Variants in OC90 observed in about 807,000 individuals in gnomAD.
The protein encoded by OC90 is otoconin 90.
Under a neutral mutation model 47.3 loss-of-function variants are expected in OC90, and 46 were observed. The observed-to-expected ratio is 0.97, with a 90% CI of 0.77 to 1.24. OC90 has a LOEUF of 1.24. Ranked by LOEUF, OC90 falls within the 50% of genes most tolerant of loss-of-function variation. The pLI, the probability that OC90 is intolerant of heterozygous loss-of-function variation, is 0.00. For synonymous variants in OC90, 271 were observed against 219.5 expected (o/e 1.23, Z -2.07); for missense variants, 688 against 583.9 (o/e 1.18, Z -1.84).
At chr8:132,048,622 T>C (rs1823169105) in intron 2 of OC90, among the ~76,000 whole-genome samples, 1 of 151,600 alleles carries the variant, frequency 6.6e-6, no homozygotes, top group Admixed American at 6.6e-5. Context: ...GCTGTTTTTC[T>C]ATCAGCGTCA....
intron 1 of OC90, among the ~76,000 whole-genome samples, chr8:132,058,742 G>A (rs1042025624): frequency 6.6e-6 from 1 of 152,186 alleles, no homozygotes; most frequent in African/African-American, 2.4e-5. Flanking sequence ...AGTGAGGACT[G>A]CCCATAATTA....
intron 7 of OC90, 63 bp downstream of exon 7, chr8:132,038,932 A>T: frequency 6.2e-7 from 1 of 1,612,622 alleles, no homozygotes; most frequent in Non-Finnish European, 8.5e-7. Context: ...GCAATAATTG[A>T]TCCCAAACCA....
chr8:132,049,892 C>T (rs748925879), intron 2 of OC90: 5 of 502,234 alleles, frequency 1.0e-5, no homozygotes, highest in Admixed American at 3.9e-5. Context: ...AAGACGTGTG[C>T]CAATTCCATT....
chr8:132,037,883 C>A (rs1272000514), intron 8 of OC90, among the ~76,000 whole-genome samples: 2 of 152,212 alleles, frequency 1.3e-5, no homozygotes, highest in Non-Finnish European at 2.9e-5. Flanking sequence ...TGCACATAAG[C>A]ACACACCCAT....
intron 5 of OC90, 30 bp downstream of exon 5, chr8:132,041,495 T>C (rs1823051923): frequency 1.3e-6 from 2 of 1,582,532 alleles, no homozygotes; most frequent in Non-Finnish European, 1.7e-6. Context: ...TCACTTTTTT[T>C]GGTCTTGCTC....
chr8:132,036,538 G>A (rs966022259), intron 9 of OC90: 1 of 716,118 alleles, frequency 1.4e-6, no homozygotes, highest in Admixed American at 1.9e-5. Context: ...TCCGATCAGG[G>A]CATATGGCTG....
intron 2 of OC90, among the ~76,000 whole-genome samples, chr8:132,053,677 G>C (rs902125272): frequency 1.3e-5 from 2 of 152,192 alleles, no homozygotes; most frequent in Non-Finnish European, 2.9e-5. Context: ...AGAGGACAAG[G>C]GGGAAATGGG....
intron 13 of OC90, among the ~76,000 whole-genome samples, chr8:132,028,789 AAAG>A (rs891112772): frequency 2.7e-5 from 3 of 109,950 alleles, no homozygotes; most frequent in African/African-American, 7.1e-5. Flanking sequence ...AGAGAGGAAG[AAAG>A]AAGAAGGAAA....
chr8:132,049,801 A>AT (rs1563734318), intron 2 of OC90: 3 of 517,038 alleles, frequency 5.8e-6, no homozygotes, highest in South Asian at 4.2e-5. Context: ...TTAATGAACA[A>AT]TTACCTGTTG....
intron 9 of OC90, chr8:132,036,264 A>C (rs986343407): frequency 2.1e-5 from 15 of 723,982 alleles, no homozygotes; most frequent in Non-Finnish European, 3.6e-5. Context: ...TATTTATTTC[A>C]GGTTCCATTA....
chr8:132,055,080 G>A lies in OC90; in HGVS notation c.-47-7C>T. 2.8e-6 allele frequency: 4 copies of A among 1,423,844 alleles called. No individual in the cohort carries two copies. The highest frequency in any genetic ancestry group is 2.5e-5 in the East Asian group (1 of 40,254). The allele number at this position is 1,423,844 out of a possible 1,614,324, so 88.2% of individuals were successfully genotyped here. ...CAGCAACTGGAACGGACTCCTGGGA[G>A]AGAAGCCAGCAGAATAGGATGGAAG... On this transcript the variant is annotated splice_region_variant and splice_polypyrimidine_tract_variant and intron_variant, in intron 1 of 13. Coordinates refer to ENST00000254627, the MANE Select transcript of OC90 (RefSeq NM_001080399.3).
At position 132,024,687 on chromosome 8, in the gene OC90, G is replaced by A. The variant is rs767708935; in HGVS notation, c.1228C>T (p.Leu410Phe). 67 of 1,613,612 alleles carry A rather than the reference G, an allele frequency of 4.2e-5. No homozygotes were observed. The African/African-American group carries it at 7.9e-4, about 19-fold the overall frequency. The change falls in exon 14 of 14, where the codon CTC becomes TTC. Residue 410 changes from leucine to phenylalanine, a missense_variant. Leu to Phe is a conservative substitution (Grantham distance 22). Coordinates refer to ENST00000254627, the MANE Select transcript of OC90 (RefSeq NM_001080399.3). ...CACCCGAGTCTGCTTGGGGACTTGA[G>A]GCTTTGGTTAAAGGAGGCAGAGGTC... ...CMTSASFNQS[L>F]KSPSRLGCPG...
Position 132,024,357 on chromosome 8 carries a change from C to T in OC90, c.*124G>A, listed in dbSNP as rs1405834475. The stretch of plus-strand genomic sequence containing the variant: ...GGGCAGGGCTCACGGCCTCTGTTCC[C>T]TCCCCGCCTCTGAGTTAAAGGAAGG... On this transcript the variant is annotated 3_prime_UTR_variant, in exon 14 of 14. Coordinates refer to ENST00000254627, the MANE Select transcript of OC90 (RefSeq NM_001080399.3). 5 of 792,222 alleles carry T rather than the reference C, an allele frequency of 6.3e-6. No individual in the cohort carries two copies. The highest frequency in any genetic ancestry group is 2.7e-5 in the East Asian group (1 of 37,128). 49.1% of individuals were successfully genotyped at this position (792,222 alleles called of 1,614,324 possible).
chr8:132,031,799 G>T, intron 12 of OC90, 82 bp downstream of exon 12: 1 of 1,254,406 alleles, frequency 8.0e-7, no homozygotes, highest in Non-Finnish European at 1.1e-6. Flanking sequence ...TCAGCCTGGT[G>T]TCCAGGAGGG....
intron 2 of OC90, among the ~76,000 whole-genome samples, chr8:132,054,750 T>C (rs1270433711): frequency 1.3e-5 from 2 of 152,234 alleles, no homozygotes; most frequent in African/African-American, 4.8e-5. Context: ...TCGTAGAGCA[T>C]ATAATTGTCA....
intron 2 of OC90, among the ~76,000 whole-genome samples, 198 bp downstream of exon 2, chr8:132,054,783 G>T (rs1249796545): frequency 6.6e-6 from 1 of 152,128 alleles, no homozygotes; most frequent in Non-Finnish European, 1.5e-5. Context: ...CAAGGTAGTT[G>T]CAAACTAATA....
intron 11 of OC90, among the ~76,000 whole-genome samples, chr8:132,032,714 C>T (rs563322102): frequency 6.6e-6 from 1 of 152,294 alleles, no homozygotes; most frequent in South Asian, 2.1e-4. Context: ...GTTCAAAACC[C>T]AAGTGCTTCA....
chr8:132,036,323 T>A (rs533910765), intron 9 of OC90: 45 of 780,298 alleles, frequency 5.8e-5, no homozygotes, highest in Non-Finnish European at 8.6e-5. Context: ...TTGAAATATT[T>A]CTCCACTGGA....
intron 12 of OC90, among the ~76,000 whole-genome samples, chr8:132,029,746 G>T (rs996216161): frequency 6.6e-6 from 1 of 152,168 alleles, no homozygotes; most frequent in African/African-American, 2.4e-5. Context: ...ACATGAAAAT[G>T]AGTCAATGTC....
Sources: allele counts gnomAD v4.1 joint callset (sites outside exome capture counted in the v4.1 genomes callset), GRCh38; gene constraint gnomAD v4.1.1; transcripts MANE v1.5; gene names NCBI Gene and HGNC (gene_info 2026-07-23, HGNC 2026-07-21).